FRMD6: variants seen among roughly 807,000 people sequenced by gnomAD.
FRMD6 encodes the protein FERM domain-containing protein 6.
A neutral mutation model predicts 73.2 loss-of-function variants in FRMD6; 37 were observed. That is an observed-to-expected ratio of 0.51 (90% CI 0.39 to 0.66). The LOEUF (loss-of-function observed/expected upper bound fraction) is 0.66. FRMD6 is among the 30% of genes least tolerant of loss of function. The pLI, the probability that FRMD6 is intolerant of heterozygous loss-of-function variation, is 0.00. For synonymous variants in FRMD6, 273 were observed against 282.2 expected (o/e 0.97, Z 0.33); for missense variants, 714 against 780.5 (o/e 0.91, Z 1.02).
intron 2 of FRMD6, among the ~76,000 whole-genome samples, chr14:51,574,827 T>G (rs1318932720): frequency 6.6e-6 from 1 of 152,154 alleles, no homozygotes; most frequent in African/African-American, 2.4e-5. Context: ...AGAATATAAT[T>G]GGATGGTTTG....
At chr14:51,587,637 G>C (rs1239922021) in intron 2 of FRMD6, among the ~76,000 whole-genome samples, 4 of 152,154 alleles carry the variant, frequency 2.6e-5, no homozygotes, top group Admixed American at 2.6e-4. Context: ...CTGGGATGGA[G>C]ATGCTTGCAT....
At chr14:51,558,258 A>G (rs1887262798) in intron 1 of FRMD6, among the ~76,000 whole-genome samples, 1 of 152,184 alleles carries the variant, frequency 6.6e-6, no homozygotes, top group Admixed American at 6.5e-5. Context: ...ACCTGAGGTC[A>G]GGAGTTTGAG....
intron 1 of FRMD6, among the ~76,000 whole-genome samples, chr14:51,511,158 C>T (rs1884283134): frequency 6.6e-6 from 1 of 152,122 alleles, no homozygotes. Context: ...AACAGATATT[C>T]CCCACACAGA....
chr14:51,541,862 T>C (rs1886215416), intron 1 of FRMD6, among the ~76,000 whole-genome samples: 1 of 152,072 alleles, frequency 6.6e-6, no homozygotes, highest in Admixed American at 6.6e-5. Context: ...TTGTGAATGG[T>C]TTCCCATATT....
intron 2 of FRMD6, among the ~76,000 whole-genome samples, chr14:51,638,927 C>T (rs984984179): frequency 2.6e-5 from 4 of 152,136 alleles, no homozygotes; most frequent in African/African-American, 9.7e-5. Flanking sequence ...GTTCCATATA[C>T]ATATCTAAGT....
At chr14:51,538,708 G>C (rs1200867567) in intron 1 of FRMD6, among the ~76,000 whole-genome samples, 5 of 152,136 alleles carry the variant, frequency 3.3e-5, no homozygotes, top group African/African-American at 1.2e-4. Flanking sequence ...AGCCACCTAA[G>C]ATAATAGGGT....
chr14:51,689,590 C>T (rs1895401088), intron 1 of FRMD6, 101 bp from the exon 2 acceptor site: 1 of 472,354 alleles, frequency 2.1e-6, no homozygotes, highest in Admixed American at 3.3e-5. Flanking sequence ...TATGCTGTCC[C>T]TGTGCCCACA....
At chr14:51,486,326 G>A (rs1882760828), upstream of FRMD6, among the ~76,000 whole-genome samples, 1 of 152,062 alleles carries the variant, frequency 6.6e-6, no homozygotes, top group South Asian at 2.1e-4. Flanking sequence ...GATCCACCAT[G>A]CCCGGCCTGC....
chr14:51,590,059 A>T (rs1357967892), intron 2 of FRMD6, among the ~76,000 whole-genome samples: 1 of 137,558 alleles, frequency 7.3e-6, no homozygotes, highest in Non-Finnish European at 1.5e-5. Context: ...CAAGAGCGAA[A>T]CTCAAAAAAA....
At chr14:51,672,033 G>A (rs1481959200) in intron 1 of FRMD6, among the ~76,000 whole-genome samples, 2 of 152,204 alleles carry the variant, frequency 1.3e-5, no homozygotes, top group Admixed American at 1.3e-4. Flanking sequence ...TTAAAGAAAT[G>A]GGATTAAGAT....
At chr14:51,485,902 C>A (rs544061939), upstream of FRMD6, among the ~76,000 whole-genome samples, 1 of 152,280 alleles carries the variant, frequency 6.6e-6, no homozygotes, top group East Asian at 1.9e-4. Flanking sequence ...ATTTAGCAGG[C>A]ACACTGCAGT....
rs774991466 is a variant in FRMD6, at chr14:51,645,669, C to T, written c.-146-44022C>T. ...TTCACTATGTTATCCAGGCTGGTCT[C>T]GAACTCCTGGGCTCAAGCGATCCAC... On this transcript the variant is annotated intron_variant, in intron 2 of 14. Coordinates refer to the FRMD6 transcript ENST00000356218. Among the ~76,000 whole-genome samples, 13 of 152,058 alleles carry T rather than the reference C, an allele frequency of 8.5e-5. 1 individual carries two copies. In the South Asian group the frequency reaches 2.7e-3, roughly 32 times the overall value.
At chr14:51,700,984 GT>G (rs1017680823) in intron 3 of FRMD6, 71 bp from the exon 4 acceptor site, 3 of 674,992 alleles carry the variant, frequency 4.4e-6, no homozygotes, top group Non-Finnish European at 6.9e-6. Context: ...AAAGAAACTT[GT>G]TTCTTTCTAT....
chr14:51,692,295 C>T (rs1895647578), intron 2 of FRMD6, among the ~76,000 whole-genome samples: 1 of 152,062 alleles, frequency 6.6e-6, no homozygotes, highest in Non-Finnish European at 1.5e-5. Flanking sequence ...TCAGTGGGGG[C>T]ACTAGCAATA....
chr14:51,416,270 G>C, the FRMD6 span, among the ~76,000 whole-genome samples: 1 of 152,098 alleles, frequency 6.6e-6, no homozygotes, highest in Non-Finnish European at 1.5e-5. Flanking sequence ...GATCTTTCCT[G>C]CTTTCTTTTG....
chr14:51,565,813 A>G (rs191702337), intron 1 of FRMD6, among the ~76,000 whole-genome samples: 1 of 152,278 alleles, frequency 6.6e-6, no homozygotes, highest in African/African-American at 2.4e-5. Context: ...CATTTGAGGA[A>G]CAAAAACCAG....
At chr14:51,444,943 A>G in the FRMD6 span, among the ~76,000 whole-genome samples, 1 of 152,104 alleles carries the variant, frequency 6.6e-6, no homozygotes, top group African/African-American at 2.4e-5. Flanking sequence ...AATGCACTGT[A>G]CTTGAAAACT....
chr14:51,604,278 A>G (rs1426893001), intron 2 of FRMD6, among the ~76,000 whole-genome samples: 1 of 152,112 alleles, frequency 6.6e-6, no homozygotes, highest in African/African-American at 2.4e-5. Context: ...AGATTCCAAG[A>G]TGTGTAAGAT....
chr14:51,696,938 C>T (rs559982334), intron 2 of FRMD6, among the ~76,000 whole-genome samples: 12 of 152,158 alleles, frequency 7.9e-5, no homozygotes, highest in South Asian at 2.1e-4. Flanking sequence ...AAAAAATGCT[C>T]GGCATCACTA....
Sources: gnomAD v4.1 joint callset for allele counts (sites outside exome capture counted in the v4.1 genomes callset) on GRCh38, gnomAD v4.1.1 for gene constraint, MANE v1.5 for transcripts, NCBI Gene and HGNC (gene_info 2026-07-23, HGNC 2026-07-21) for gene names.